Variants in WTAP observed in about 807,000 individuals in gnomAD.
WTAP encodes WT1 associated protein.
WTAP carries 8 observed loss-of-function variants against 50.0 expected under a neutral mutation model. The ratio of observed to expected loss-of-function variants is 0.16; its 90% CI spans 0.09 to 0.29. The LOEUF is 0.29. Among genes scored for constraint, WTAP ranks in the 10% least tolerant of loss-of-function variants. WTAP has a pLI of 1.00. For synonymous variants in WTAP, 194 were observed against 169.0 expected (o/e 1.15, Z -1.15); for missense variants, 295 against 470.7 (o/e 0.63, Z 3.45).
intron 6 of WTAP, among the ~76,000 whole-genome samples, chr6:159,752,062 CAA>C (rs60854821): frequency 3.2e-4 from 30 of 94,898 alleles, no homozygotes; most frequent in Admixed American, 4.7e-4. Flanking sequence ...ACCCCCATCT[CAA>C]AAAAAAAAAA....
chr6:159,729,323 G>C (rs1459724670), intron 1 of WTAP, among the ~76,000 whole-genome samples: 1 of 152,106 alleles, frequency 6.6e-6, no homozygotes, highest in Admixed American at 6.6e-5. Flanking sequence ...AATTTTTTTA[G>C]TTGTCTCCAA....
At chr6:159,754,273 GAATT>G (rs1779925159) in intron 7 of WTAP, among the ~76,000 whole-genome samples, 1 of 152,122 alleles carries the variant, frequency 6.6e-6, no homozygotes, top group Non-Finnish European at 1.5e-5. Flanking sequence ...AAATCTTCAG[GAATT>G]ATTTCCTGTG....
Position 159,731,739 on chromosome 6 carries a change from G to A in WTAP, c.-9+4036G>A, listed in dbSNP as rs1427605555. Among the ~76,000 whole-genome samples the A allele has an allele frequency of 3.9e-5, 6 of 152,092 alleles. No homozygotes were observed. The South Asian group carries it at 1.2e-3, about 32-fold the overall frequency. ...GTCTTCAGAAATAGCACAGTATTTG[G>A]GCCCTGGTTGTGGTAATTCTTTTTG... On this transcript the variant is annotated intron_variant, in intron 1 of 7. Coordinates refer to ENST00000621533, the MANE Select transcript of WTAP (RefSeq NM_001270531.2).
chr6:159,744,534 G>T (rs1199469127), intron 5 of WTAP, among the ~76,000 whole-genome samples: 1 of 148,072 alleles, frequency 6.8e-6, no homozygotes, highest in African/African-American at 2.5e-5. Flanking sequence ...GTCCTGTTCT[G>T]TTTCTTTTGC....
chr6:159,748,138 C>T lies in WTAP; in HGVS notation c.274-53C>T, dbSNP rs1048864727. On this transcript the variant is annotated intron_variant, in intron 5 of 7. Transcript: ENST00000621533. The surrounding 1 kb of genome is among the most constrained non-coding windows in gnomAD (Gnocchi z 5.6). ...GAATGGAGGGAGTTTTCCCCACCTT[C>T]TTATGTATGTTTCCTTTGATTTGGT... 3.3e-5 allele frequency: 51 copies of T among 1,549,754 alleles called. No homozygotes were observed. Among genetic ancestry groups the T allele is most frequent in the Non-Finnish European group, 4.2e-5 (48 of 1,140,722 alleles).
In WTAP at chr6:159,736,821, TACATACACAC is replaced by T. The variant is rs749479517; in HGVS notation, c.30+540_30+549del. ...TTCCTACCTTGAGTTTAATTACTCT[TACATACACAC>T]ACATACACACACACAGTGGCTGTTA... is the stretch of plus-strand genomic sequence containing the variant. On this transcript the variant is annotated intron_variant, in intron 2 of 7. Transcript: ENST00000621533. 7 of 152,980 alleles carry T rather than the reference TACATACACAC, an allele frequency of 4.6e-5. No individual in the cohort carries two copies. In the South Asian group the frequency reaches 6.2e-4, roughly 13 times the overall value. 9.5% of individuals were successfully genotyped at this position (152,980 alleles called of 1,614,324 possible). A position where few individuals can be genotyped will look rare whatever the true frequency, so the allele number is the denominator to read the frequency against.
chr6:159,742,835 C>G (rs1335325908), intron 4 of WTAP, among the ~76,000 whole-genome samples: 2 of 151,700 alleles, frequency 1.3e-5, no homozygotes, highest in East Asian at 1.9e-4. Context: ...GTGGGAAGAT[C>G]ACTTGAGCCC....
intron 1 of WTAP, among the ~76,000 whole-genome samples, chr6:159,731,839 A>C (rs556367347): frequency 6.6e-6 from 1 of 152,344 alleles, no homozygotes; most frequent in Admixed American, 6.5e-5. Flanking sequence ...CAGAATACCA[A>C]GGTTATCAGA....
At position 159,727,568 on chromosome 6, in the gene WTAP, C is replaced by T; in HGVS notation, c.-144C>T. On this transcript the variant is annotated 5_prime_UTR_variant, in exon 1 of 8. Transcript: ENST00000621533. Reference sequence around the variant, plus strand: ...ATAAAGGGGAGCGCAGGGGTTGCGGCGGGACTAGGAGCGCGGCGGGGCCGG... The same window carrying T: ...ATAAAGGGGAGCGCAGGGGTTGCGGTGGGACTAGGAGCGCGGCGGGGCCGG... 1 of 988,112 alleles carries T rather than the reference C, an allele frequency of 1.0e-6. No homozygotes were observed. Among genetic ancestry groups the T allele is most frequent in the African/African-American group, 1.7e-5 (1 of 57,146 alleles). The allele number at this position is 988,112 out of a possible 1,614,324, so 61.2% of individuals were successfully genotyped here.
chr6:159,738,096 T>G (rs1779031657), intron 2 of WTAP, among the ~76,000 whole-genome samples: 1 of 152,238 alleles, frequency 6.6e-6, no homozygotes, highest in African/African-American at 2.4e-5. Flanking sequence ...CACGTTATAC[T>G]AGCACTGTTA....
intron 5 of WTAP, among the ~76,000 whole-genome samples, chr6:159,746,408 G>GC (rs1779576692): frequency 6.6e-6 from 1 of 152,176 alleles, no homozygotes; most frequent in Non-Finnish European, 1.5e-5. Context: ...CAGAGCTGCT[G>GC]CATTTACCCT....
At position 159,755,169 on chromosome 6, in the gene WTAP, G is replaced by C. The variant is rs1484361016; in HGVS notation, c.749G>C (p.Ser250Thr). Residue 250 changes from serine to threonine, a missense_variant, in exon 8 of 8, where the codon AGT becomes ACT. Transcript: ENST00000621533. ...QQQQSQASAP[S>T]TSRTTASEPV... is the part of the protein sequence containing the mutation. ...CAGCAGTCTCAGGCCTCTGCCCCAA[G>C]TACCAGCAGGACTACAGCTTCTGAA... 6.2e-7 allele frequency: 1 copy of C among 1,614,016 alleles called. No homozygotes were observed. Among genetic ancestry groups the C allele is most frequent in the African/African-American group, 1.3e-5 (1 of 74,910 alleles).
chr6:159,727,255 C>T (rs1778227087), upstream of WTAP: 3 of 1,282,784 alleles, frequency 2.3e-6, no homozygotes, highest in Middle Eastern at 2.1e-4. Flanking sequence ...CGACGGCCTC[C>T]CTCCCTTCAC....
At chr6:159,730,904 A>G (rs1778525385) in intron 1 of WTAP, 1 of 152,166 alleles carries the variant, frequency 6.6e-6, no homozygotes, top group Non-Finnish European at 1.5e-5. Flanking sequence ...TTTTAAAAAG[A>G]ACATAAGCCA....
chr6:159,748,090 A>G lies in WTAP; in HGVS notation c.274-101A>G, dbSNP rs1779683994. The G allele has an allele frequency of 1.4e-6, 2 of 1,399,728 alleles. No homozygotes were observed. Among genetic ancestry groups the G allele is most frequent in the Non-Finnish European group, 1.9e-6 (2 of 1,036,234 alleles). 86.7% of individuals were successfully genotyped at this position (1,399,728 alleles called of 1,614,324 possible). Reference sequence around the variant, plus strand: ...CAGGATCAAAGAGGGGAGGAGCTTAATGAAAGAGTTGGTAAATCAAGTGAA... The same window carrying G: ...CAGGATCAAAGAGGGGAGGAGCTTAGTGAAAGAGTTGGTAAATCAAGTGAA... On this transcript the variant is annotated intron_variant, in intron 5 of 7. Transcript: ENST00000621533. This position sits in a 1 kb window ranked among gnomAD's most constrained non-coding sequence, Gnocchi z 5.6.
upstream of WTAP, chr6:159,727,348 A>G (rs1320915816): frequency 4.7e-5 from 52 of 1,102,270 alleles, no homozygotes; most frequent in Non-Finnish European, 5.9e-5. Context: ...GTGGGCCAGA[A>G]GGCGAACATG....
At position 159,748,580 on chromosome 6, in the gene WTAP, C is replaced by G. The variant is rs1779704874; in HGVS notation, c.452+211C>G. On this transcript the variant is annotated intron_variant, in intron 6 of 7. Coordinates refer to ENST00000621533, the MANE Select transcript of WTAP (RefSeq NM_001270531.2). This position sits in a 1 kb window ranked among gnomAD's most constrained non-coding sequence, Gnocchi z 5.6. Reference sequence around the variant, plus strand: ...TCAGCTTTTTTCTTTTCCCCTTCCCCTTGCTTCAGAGGCCTGATGGCGTCG... The same window carrying G: ...TCAGCTTTTTTCTTTTCCCCTTCCCGTTGCTTCAGAGGCCTGATGGCGTCG... 1 of 1,364,362 alleles carries G rather than the reference C, an allele frequency of 7.3e-7. No homozygotes were observed. Among genetic ancestry groups the G allele is most frequent in the Non-Finnish European group, 9.4e-7 (1 of 1,059,172 alleles). The allele number at this position is 1,364,362 out of a possible 1,614,324, so 84.5% of individuals were successfully genotyped here. A position where few individuals can be genotyped will look rare whatever the true frequency, so the allele number is the denominator to read the frequency against.
At chr6:159,727,190 G>C, upstream of WTAP, 1 of 1,229,292 alleles carries the variant, frequency 8.1e-7, no homozygotes, top group South Asian at 1.4e-5. Context: ...AGGACGGGGA[G>C]TGTTACCGGG....
chr6:159,739,464 G>A (rs1583080519), intron 3 of WTAP, among the ~76,000 whole-genome samples: 2 of 152,242 alleles, frequency 1.3e-5, no homozygotes, highest in East Asian at 1.9e-4. Flanking sequence ...GAAGAGGTTG[G>A]GTTAAGTTAT....
Sources: allele counts gnomAD v4.1 joint callset (sites outside exome capture counted in the v4.1 genomes callset), GRCh38; gene constraint gnomAD v4.1.1; non-coding constraint Gnocchi (gnomAD v3.1); transcripts MANE v1.5; gene names NCBI Gene and HGNC (gene_info 2026-07-23, HGNC 2026-07-21).